Variants in SUCLG2 observed in about 807,000 individuals in gnomAD.
The protein encoded by SUCLG2 is succinate-CoA ligase GDP-forming subunit beta, also known as succinate--CoA ligase [GDP-forming] subunit beta, mitochondrial.
In SUCLG2, 42 loss-of-function variants were observed where a neutral mutation model predicts 47.9. That is an observed-to-expected ratio of 0.88 (90% CI 0.69 to 1.14). SUCLG2 has a LOEUF of 1.14. SUCLG2 is among the 50% of genes most tolerant of loss of function. The pLI is 0.00. For synonymous variants in SUCLG2, 195 were observed against 197.3 expected, an observed-to-expected ratio of 0.99 and a Z score of 0.10; for missense variants, 571 against 525.9, an observed-to-expected ratio of 1.09 and a Z score of -0.84.
At chr3:67,390,424 G>C (rs1559507681) in intron 10 of SUCLG2, among the ~76,000 whole-genome samples, 2 of 152,208 alleles carry the variant, frequency 1.3e-5, no homozygotes, top group African/African-American at 4.8e-5. Context: ...ATTACAAGCT[G>C]TTTCACCAGT....
At chr3:67,380,217 T>C (rs1334975845) in intron 10 of SUCLG2, among the ~76,000 whole-genome samples, 3 of 148,356 alleles carry the variant, frequency 2.0e-5, no homozygotes, top group Non-Finnish European at 3.0e-5. Flanking sequence ...GTTTTGGGAG[T>C]GGCTCCTTTT....
intron 9 of SUCLG2, among the ~76,000 whole-genome samples, chr3:67,492,018 A>T (rs1273571194): frequency 6.6e-6 from 1 of 152,222 alleles, no homozygotes; most frequent in Non-Finnish European, 1.5e-5. Flanking sequence ...AATCCCACTA[A>T]GAGTCCCTTC....
intron 1 of SUCLG2, among the ~76,000 whole-genome samples, chr3:67,647,767 G>A (rs6766403): frequency 0.34 from 52,273 of 152,068 alleles, 9,228 homozygotes; most frequent in Non-Finnish European, 0.36. Flanking sequence ...CCCAACTGTG[G>A]AATCCTGAAG....
chr3:67,654,495 A>C lies in SUCLG2; in HGVS notation c.84+8T>G, dbSNP rs1217885634. 1 of 1,236,080 alleles carries C rather than the reference A, an allele frequency of 8.1e-7. No individual in the cohort carries two copies. The highest frequency in any genetic ancestry group is 4.2e-5 in the Admixed American group (1 of 23,994). 76.6% of individuals were successfully genotyped at this position (1,236,080 alleles called of 1,614,324 possible). Reference sequence around the variant, plus strand: ...GCTGGCGCCCGCAGCTCCTGCCCCCACGCTCACCTGGGACCCGGCCGCCAG... The same window carrying C: ...GCTGGCGCCCGCAGCTCCTGCCCCCCCGCTCACCTGGGACCCGGCCGCCAG... On this transcript the variant is annotated splice_region_variant and intron_variant, in intron 1 of 10. Transcript: ENST00000307227.
At chr3:67,650,260 T>A (rs142730548) in intron 1 of SUCLG2, among the ~76,000 whole-genome samples, 2 of 152,322 alleles carry the variant, frequency 1.3e-5, no homozygotes, top group East Asian at 3.9e-4. Context: ...CCCATAACCT[T>A]TAGTCCTTCA....
intron 1 of SUCLG2, among the ~76,000 whole-genome samples, chr3:67,641,960 C>T (rs1701108796): frequency 1.3e-5 from 2 of 152,140 alleles, no homozygotes; most frequent in Admixed American, 1.3e-4. Context: ...TCTCCCTGGG[C>T]GTGTGTGCCC....
chr3:67,435,093 C>T (rs1703584139), intron 9 of SUCLG2, among the ~76,000 whole-genome samples: 1 of 152,130 alleles, frequency 6.6e-6, no homozygotes, highest in Admixed American at 6.6e-5. Flanking sequence ...AGTGGGTAAA[C>T]TACAGTAGGA....
At chr3:67,438,454 C>CT (rs1703678188) in intron 9 of SUCLG2, among the ~76,000 whole-genome samples, 1 of 151,832 alleles carries the variant, frequency 6.6e-6, no homozygotes, top group Non-Finnish European at 1.5e-5. Context: ...AATCCAAGAG[C>CT]TGTTTTTTTT....
chr3:67,610,303 G>C (rs975006806), intron 1 of SUCLG2, among the ~76,000 whole-genome samples: 10 of 152,142 alleles, frequency 6.6e-5, no homozygotes, highest in Non-Finnish European at 1.3e-4. Flanking sequence ...AATTAAACTA[G>C]TTCCTAAACT....
At chr3:67,495,674 A>C in intron 9 of SUCLG2, 124 bp downstream of exon 9, 1 of 1,097,714 alleles carries the variant, frequency 9.1e-7, no homozygotes, top group Non-Finnish European at 1.3e-6. Flanking sequence ...AAAAGATAGA[A>C]GTTGCATCTG....
At position 67,365,308 on chromosome 3, in the gene SUCLG2, A is replaced by C. The variant is rs572282140; in HGVS notation, c.1184-4540T>G. Among the ~76,000 whole-genome samples the C allele has an allele frequency of 2.0e-5, 3 of 152,334 alleles. No homozygotes were observed. The East Asian group carries it at 5.8e-4, about 29-fold the overall frequency. On this transcript the variant is annotated intron_variant, in intron 10 of 10. Coordinates refer to the SUCLG2 transcript ENST00000493112. ...CCTTTAGAATCAAGAAGCTGAACGA[A>C]ACTCACGATTTTCAAGAATAAGTCT...
chr3:67,379,533 T>A lies in SUCLG2; in HGVS notation c.1184-3674A>T, dbSNP rs1702108504. Among the ~76,000 whole-genome samples, 3 of 152,252 alleles carry A rather than the reference T, an allele frequency of 2.0e-5. No homozygotes were observed. In the South Asian group the frequency reaches 6.2e-4, roughly 32 times the overall value. ...TCTTCTTAATTTTTTGAGATAACTTTAATGAGTTGTGCTTCCTTGCAACCA... is the reference window on the plus strand; with the variant it reads ...TCTTCTTAATTTTTTGAGATAACTTAAATGAGTTGTGCTTCCTTGCAACCA... On this transcript the variant is annotated intron_variant, in intron 10 of 10. Coordinates refer to ENST00000307227, the MANE Select transcript of SUCLG2 (RefSeq NM_003848.4).
At chr3:67,592,490 A>G (rs977190160) in intron 2 of SUCLG2, among the ~76,000 whole-genome samples, 2 of 152,290 alleles carry the variant, frequency 1.3e-5, no homozygotes, top group Admixed American at 6.5e-5. Context: ...TTCCCAGTTC[A>G]TAGAGAAAGA....
chr3:67,642,992 C>T (rs1030001350), intron 1 of SUCLG2, among the ~76,000 whole-genome samples: 1 of 151,914 alleles, frequency 6.6e-6, no homozygotes, highest in African/African-American at 2.4e-5. Context: ...ATCCTGGTTC[C>T]TGGCAAACAG....
intron 1 of SUCLG2, among the ~76,000 whole-genome samples, chr3:67,611,020 G>A (rs9831840): frequency 0.49 from 74,093 of 151,984 alleles, 18,987 homozygotes; most frequent in African/African-American, 0.64. Flanking sequence ...AATGCCACTT[G>A]GATGGCCAAA....
At chr3:67,419,756 T>C (rs1451605327) in intron 9 of SUCLG2, among the ~76,000 whole-genome samples, 1 of 152,078 alleles carries the variant, frequency 6.6e-6, no homozygotes, top group African/African-American at 2.4e-5. Context: ...AAACTGTTAT[T>C]GACATGATTC....
chr3:67,439,332 C>G (rs969376050), intron 9 of SUCLG2, among the ~76,000 whole-genome samples: 8 of 152,164 alleles, frequency 5.3e-5, no homozygotes, highest in African/African-American at 1.9e-4. Flanking sequence ...TGGCACAAGA[C>G]AAGGATGCCC....
chr3:67,516,204 A>G (rs1705940927), intron 6 of SUCLG2, among the ~76,000 whole-genome samples: 1 of 152,186 alleles, frequency 6.6e-6, no homozygotes. Flanking sequence ...AACAAATTAA[A>G]ACATTTTATT....
chr3:67,634,746 G>A (rs1022676050), intron 1 of SUCLG2, among the ~76,000 whole-genome samples: 20 of 152,238 alleles, frequency 1.3e-4, no homozygotes, highest in African/African-American at 4.6e-4. Flanking sequence ...AAACTTGACA[G>A]GGCACAGTAT....
Sources: gnomAD v4.1 joint callset for allele counts (sites outside exome capture counted in the v4.1 genomes callset) on GRCh38, gnomAD v4.1.1 for gene constraint, MANE v1.5 for transcripts, NCBI Gene and HGNC (gene_info 2026-07-23, HGNC 2026-07-21) for gene names.